Variants in TMEM132D observed in about 807,000 individuals in gnomAD.
TMEM132D encodes the protein transmembrane protein 132D, also known as mature OL transmembrane protein.
TMEM132D carries 21 observed loss-of-function variants against 62.3 expected under a neutral mutation model. The observed-to-expected ratio is 0.34, with a 90% CI of 0.24 to 0.49. The LOEUF is 0.49. TMEM132D is among the 20% of genes least tolerant of loss of function. The pLI is 0.99. For synonymous variants in TMEM132D, 621 were observed against 575.6 expected, an observed-to-expected ratio of 1.08 and a Z score of -1.13; for missense variants, 1,346 against 1,402.8, an observed-to-expected ratio of 0.96 and a Z score of 0.65.
Position 129,074,338 on chromosome 12 carries a change from C to T in TMEM132D, c.2837G>A (p.Arg946Lys), listed in dbSNP as rs778692035. 2.5e-6 allele frequency: 4 copies of T among 1,614,060 alleles called. No homozygotes were observed. The highest frequency in any genetic ancestry group is 2.5e-6 in the Non-Finnish European group (3 of 1,180,032). The change falls in exon 9 of 9, where the codon AGA becomes AAA. Residue 946 changes from arginine (R) to lysine (K), a missense_variant. Arg to Lys is a conservative substitution (Grantham distance 26). Coordinates refer to ENST00000422113, the MANE Select transcript of TMEM132D (RefSeq NM_133448.3). ...INCVTFALKY[R>K]HKQVPFEEQE... ...CTCCTCGAAGGGAACCTGTTTGTGTCTGTATTTTAATGCAAAGGTCACACA... is the reference window on the plus strand; with the variant it reads ...CTCCTCGAAGGGAACCTGTTTGTGTTTGTATTTTAATGCAAAGGTCACACA...
chr12:129,420,306 GTTTTTTTTT>G (rs71082709), intron 3 of TMEM132D, among the ~76,000 whole-genome samples: 28,108 of 112,672 alleles, frequency 0.25, 2,963 homozygotes, highest in Non-Finnish European at 0.29. Flanking sequence ...CACGTTCTCT[GTTTTTTTTT>G]TTTTTTTTTT....
chr12:129,694,965 G>A (rs908296791), intron 2 of TMEM132D, among the ~76,000 whole-genome samples: 5 of 152,186 alleles, frequency 3.3e-5, no homozygotes, highest in Non-Finnish European at 5.9e-5. Context: ...CCGAGACCAC[G>A]CCATTGCACT....
chr12:129,123,384 T>G (rs1876120764), intron 5 of TMEM132D, among the ~76,000 whole-genome samples: 1 of 152,164 alleles, frequency 6.6e-6, no homozygotes, highest in Non-Finnish European at 1.5e-5. Context: ...AATTTTGTGT[T>G]TATTTTCTTA....
chr12:129,314,313 C>T (rs776902280), intron 4 of TMEM132D, among the ~76,000 whole-genome samples: 4 of 152,102 alleles, frequency 2.6e-5, no homozygotes, highest in Admixed American at 6.5e-5. Flanking sequence ...GATGAGGATC[C>T]GTTTCATTCT....
intron 5 of TMEM132D, among the ~76,000 whole-genome samples, chr12:129,179,790 G>A (rs1333172687): frequency 6.6e-6 from 1 of 152,152 alleles, no homozygotes; most frequent in African/African-American, 2.4e-5. Context: ...CACTTTGGGA[G>A]GCTGAGATGG....
intron 3 of TMEM132D, among the ~76,000 whole-genome samples, chr12:129,445,803 G>T (rs1013393461): frequency 1.3e-5 from 2 of 152,136 alleles, no homozygotes; most frequent in Non-Finnish European, 2.9e-5. Flanking sequence ...TGCAGGTCAG[G>T]TTCCCAAGTA....
In TMEM132D at chr12:129,803,045, C is replaced by G. The variant is rs1174500476; in HGVS notation, c.79+100216G>C. ...AGCACCCAGATTCATAGAGCAAGTC[C>G]TGAGTGACCTACAAAGAGACTTAGA... On this transcript the variant is annotated intron_variant, in intron 1 of 8. Transcript: ENST00000422113. 2.1e-4 allele frequency among the ~76,000 whole-genome samples: 31 copies of G among 151,134 alleles called. No individual in the cohort carries two copies. In the East Asian group the frequency reaches 5.7e-3, roughly 28 times the overall value.
chr12:129,636,364 G>T (rs983503673), intron 2 of TMEM132D, among the ~76,000 whole-genome samples: 3 of 152,186 alleles, frequency 2.0e-5, no homozygotes, highest in African/African-American at 7.2e-5. Flanking sequence ...CTATACTAGA[G>T]TCGGGTTAGA....
intron 2 of TMEM132D, among the ~76,000 whole-genome samples, chr12:129,556,053 G>T (rs1009341240): frequency 6.6e-6 from 1 of 152,188 alleles, no homozygotes; most frequent in African/African-American, 2.4e-5. Flanking sequence ...TTTCTGTCAT[G>T]AATGTACATG....
intron 1 of TMEM132D, among the ~76,000 whole-genome samples, chr12:129,738,853 G>A (rs376491273): frequency 6.6e-6 from 1 of 152,246 alleles, no homozygotes; most frequent in African/African-American, 2.4e-5. Flanking sequence ...TTTATCTGTA[G>A]AAGACAAACA....
At chr12:129,429,883 T>G (rs1439819199) in intron 3 of TMEM132D, among the ~76,000 whole-genome samples, 2 of 152,060 alleles carry the variant, frequency 1.3e-5, no homozygotes, top group Non-Finnish European at 2.9e-5. Context: ...GTTTCCAGCT[T>G]CATCCATGTC....
intron 3 of TMEM132D, among the ~76,000 whole-genome samples, chr12:129,509,697 AC>A (rs1335530776): frequency 6.6e-6 from 1 of 152,092 alleles, no homozygotes; most frequent in Non-Finnish European, 1.5e-5. Flanking sequence ...ATTTTCTGAT[AC>A]CAAAATAAGA....
intron 5 of TMEM132D, among the ~76,000 whole-genome samples, chr12:129,201,891 G>A (rs1305110882): frequency 1.3e-5 from 2 of 152,126 alleles, no homozygotes; most frequent in Non-Finnish European, 2.9e-5. Flanking sequence ...TCAATCATGT[G>A]ACAATTTTTT....
intron 2 of TMEM132D, among the ~76,000 whole-genome samples, chr12:129,660,140 T>C (rs1358903543): frequency 1.3e-5 from 2 of 152,054 alleles, no homozygotes; most frequent in East Asian, 1.9e-4. Context: ...AGGAGATGGA[T>C]GACTCATGTA....
At chr12:129,777,647 T>G (rs1262585512) in intron 1 of TMEM132D, among the ~76,000 whole-genome samples, 1 of 152,224 alleles carries the variant, frequency 6.6e-6, no homozygotes, top group Non-Finnish European at 1.5e-5. Flanking sequence ...TTACCATGTA[T>G]ATATGGTAAT....
intron 3 of TMEM132D, among the ~76,000 whole-genome samples, chr12:129,346,980 C>A (rs35908562): frequency 6.6e-6 from 1 of 152,060 alleles, no homozygotes; most frequent in African/African-American, 2.4e-5. Context: ...GAATACAATA[C>A]CTAGGAATAC....
intron 3 of TMEM132D, among the ~76,000 whole-genome samples, chr12:129,380,688 T>G (rs1354384609): frequency 6.6e-6 from 1 of 152,162 alleles, no homozygotes; most frequent in Non-Finnish European, 1.5e-5. Flanking sequence ...CTCCTTCCTG[T>G]GGCCTTTCCA....
rs563719405 is a variant in TMEM132D at position 129,799,916 on chromosome 12, C to T, written c.80-99218G>A. ...TTCTCAGGAGGCTCTCCCTAGGAGT[C>T]TGTCATCTTTCTGCCAAAACTCATC... On this transcript the variant is annotated intron_variant, in intron 1 of 8. Transcript: ENST00000422113. Among the ~76,000 whole-genome samples the T allele has an allele frequency of 2.0e-5, 3 of 152,266 alleles. No individual in the cohort carries two copies. In the South Asian group the frequency reaches 6.2e-4, roughly 32 times the overall value.
intron 1 of TMEM132D, among the ~76,000 whole-genome samples, chr12:129,807,439 C>A (rs150248367): frequency 6.6e-6 from 1 of 152,176 alleles, no homozygotes; most frequent in African/African-American, 2.4e-5. Flanking sequence ...GGGCAGACAT[C>A]GCCATCCCAA....
Sources: allele counts gnomAD v4.1 joint callset (sites outside exome capture counted in the v4.1 genomes callset), GRCh38; gene constraint gnomAD v4.1.1; transcripts MANE v1.5; gene names NCBI Gene and HGNC (gene_info 2026-07-23, HGNC 2026-07-21).